Variants in ADCY2 observed in about 807,000 individuals in gnomAD.
ADCY2 encodes adenylate cyclase 2, also known as adenylate cyclase type 2.
A neutral mutation model predicts 125.2 loss-of-function variants in ADCY2; 31 were observed. That is an observed-to-expected ratio of 0.25 (90% CI 0.19 to 0.33). The LOEUF is 0.33. Among genes scored for constraint, ADCY2 ranks in the 10% least tolerant of loss-of-function variants. ADCY2 has a pLI of 1.00. For synonymous variants in ADCY2, 512 were observed against 548.4 expected, an observed-to-expected ratio of 0.93 and a Z score of 0.93; for missense variants, 904 against 1,418.2, an observed-to-expected ratio of 0.64 and a Z score of 5.82.
At position 7,772,982 on chromosome 5, in the gene ADCY2, G is replaced by T; in HGVS notation, c.2265G>T (p.Leu755=). The T allele has an allele frequency of 6.2e-7, 1 of 1,614,174 alleles. No individual in the cohort carries two copies. ...GACTGATATCCTGTTCCGTGTTCCT[G>T]CGGGTAAACTATGAGCTGAAGATGT... ...ILGLISCSVF[L]RVNYELKMLI... Residue 755 remains leucine, a synonymous_variant, in exon 18 of 25, where the codon CTG becomes CTT. Coordinates refer to ENST00000338316, the MANE Select transcript of ADCY2 (RefSeq NM_020546.3).
intron 2 of ADCY2, among the ~76,000 whole-genome samples, chr5:7,448,211 A>G (rs191072050): frequency 2.0e-5 from 3 of 152,280 alleles, no homozygotes; most frequent in African/African-American, 4.8e-5. Context: ...AGCTCCTTCA[A>G]TATGAAGAGC....
At chr5:7,623,101 A>G (rs1448681073) in intron 3 of ADCY2, among the ~76,000 whole-genome samples, 5 of 152,216 alleles carry the variant, frequency 3.3e-5, no homozygotes, top group Non-Finnish European at 7.3e-5. Flanking sequence ...TCGGTATCAA[A>G]GTACCCCATT....
At chr5:7,514,581 A>G (rs997446643) in intron 2 of ADCY2, among the ~76,000 whole-genome samples, 1 of 152,162 alleles carries the variant, frequency 6.6e-6, no homozygotes, top group African/African-American at 2.4e-5. Context: ...TGAAGTCCTA[A>G]TCCGCAGTAC....
At chr5:7,508,503 T>C (rs1288042352) in intron 2 of ADCY2, among the ~76,000 whole-genome samples, 1 of 152,300 alleles carries the variant, frequency 6.6e-6, no homozygotes, top group South Asian at 2.1e-4. Flanking sequence ...TGAAGAGATG[T>C]GACTTTCTGG....
chr5:7,414,889 A>AT (rs920578436), intron 2 of ADCY2, 119 bp downstream of exon 2: 2 of 769,148 alleles, frequency 2.6e-6, no homozygotes, highest in Non-Finnish European at 3.9e-6. Context: ...AGCAGAGTCT[A>AT]TTTTTTTCGA....
intron 2 of ADCY2, among the ~76,000 whole-genome samples, chr5:7,446,411 G>T (rs139311149): frequency 6.6e-6 from 1 of 152,116 alleles, no homozygotes; most frequent in Non-Finnish European, 1.5e-5. Context: ...TATTGCTTTT[G>T]CCTGGTAATT....
chr5:7,654,254 G>A (rs1739240472), intron 4 of ADCY2: 1 of 427,790 alleles, frequency 2.3e-6, no homozygotes, highest in African/African-American at 2.0e-5. Context: ...GAAGGAAGAA[G>A]GCAATGGCCT....
At chr5:7,615,204 A>G (rs1369293359) in intron 3 of ADCY2, among the ~76,000 whole-genome samples, 2 of 152,054 alleles carry the variant, frequency 1.3e-5, no homozygotes, top group Non-Finnish European at 2.9e-5. Context: ...CTCCTTCAAC[A>G]CTGGGGACTA....
chr5:7,749,445 A>G (rs979062707), intron 15 of ADCY2, among the ~76,000 whole-genome samples: 3 of 152,222 alleles, frequency 2.0e-5, no homozygotes, highest in Admixed American at 6.5e-5. Context: ...TCTAGGCAGA[A>G]GCTAAGACTA....
chr5:7,401,025 G>T (rs1561004813), intron 1 of ADCY2, among the ~76,000 whole-genome samples: 2 of 152,234 alleles, frequency 1.3e-5, no homozygotes, highest in Admixed American at 6.5e-5. Context: ...ATCTGCCTGT[G>T]TGGGAGTTGT....
At chr5:7,412,012 T>C (rs1739736513) in intron 1 of ADCY2, among the ~76,000 whole-genome samples, 1 of 151,708 alleles carries the variant, frequency 6.6e-6, no homozygotes, top group Admixed American at 6.6e-5. Flanking sequence ...GAGGCGGAGC[T>C]TGCAGTGAGC....
chr5:7,674,975 G>GA (rs1241558273), intron 4 of ADCY2, among the ~76,000 whole-genome samples: 3 of 152,106 alleles, frequency 2.0e-5, no homozygotes, highest in Non-Finnish European at 4.4e-5. Context: ...CTAACATGGT[G>GA]AAACTCCGTC....
At chr5:7,594,152 A>T (rs1249533345) in intron 3 of ADCY2, among the ~76,000 whole-genome samples, 1 of 152,198 alleles carries the variant, frequency 6.6e-6, no homozygotes, top group Non-Finnish European at 1.5e-5. Context: ...CACTGGTTAC[A>T]GTGCCGAGAT....
At chr5:7,449,308 ATGT>A (rs1460586762) in intron 2 of ADCY2, among the ~76,000 whole-genome samples, 1 of 152,214 alleles carries the variant, frequency 6.6e-6, no homozygotes. Flanking sequence ...CTTTTAAGAA[ATGT>A]TGTCCCCCAA....
intron 2 of ADCY2, among the ~76,000 whole-genome samples, chr5:7,473,969 G>A (rs181859431): frequency 1.1e-3 from 175 of 152,280 alleles, no homozygotes; most frequent in Middle Eastern, 3.4e-3. Flanking sequence ...CCTGTCTTCC[G>A]TTTGTTCAGC....
At chr5:7,636,383 T>C (rs1026746287) in intron 4 of ADCY2, among the ~76,000 whole-genome samples, 2 of 152,234 alleles carry the variant, frequency 1.3e-5, no homozygotes, top group African/African-American at 4.8e-5. Flanking sequence ...AGCAGGCACA[T>C]GCCCTATGGC....
At position 7,753,997 on chromosome 5, in the gene ADCY2, C is replaced by A. The variant is rs1291383189; in HGVS notation, c.1957-3452C>A. Among the ~76,000 whole-genome samples the A allele has an allele frequency of 3.9e-5, 6 of 152,260 alleles. 1 individual carries two copies. The South Asian group carries it at 1.2e-3, about 32-fold the overall frequency. ...GTTTTAAAACAATTGTGAGGGAGAA[C>A]TTTGAGGTATGCATGGAAAATGCAT... On this transcript the variant is annotated intron_variant, in intron 15 of 24. Transcript: ENST00000338316.
At chr5:7,527,728 C>T (rs954586079) in intron 3 of ADCY2, among the ~76,000 whole-genome samples, 1 of 152,146 alleles carries the variant, frequency 6.6e-6, no homozygotes. Flanking sequence ...TTAGATTGCA[C>T]CTAATACAGC....
chr5:7,512,157 G>T (rs944106798), intron 2 of ADCY2, among the ~76,000 whole-genome samples: 5 of 132,484 alleles, frequency 3.8e-5, no homozygotes, highest in Non-Finnish European at 7.7e-5. Context: ...GGAGATGAAG[G>T]TTGCAGTGAA....
Sources: gnomAD v4.1 joint callset for allele counts (sites outside exome capture counted in the v4.1 genomes callset) on GRCh38, gnomAD v4.1.1 for gene constraint, MANE v1.5 for transcripts, NCBI Gene and HGNC (gene_info 2026-07-23, HGNC 2026-07-21) for gene names.